The following ROBO1 variants were observed in gnomAD, a reference collection of about 807,000 sequenced individuals.
ROBO1 encodes roundabout homolog 1.
A neutral mutation model predicts 195.9 loss-of-function variants in ROBO1; 149 were observed. The observed-to-expected ratio is 0.76, with a 90% CI of 0.67 to 0.87. The LOEUF (loss-of-function observed/expected upper bound fraction) is 0.87. Among genes scored for constraint, ROBO1 ranks in the 40% least tolerant of loss-of-function variants. The probability of loss-of-function intolerance (pLI) is 0.00; values close to 1 mark genes in which losing one functional copy is unlikely to be tolerated. For synonymous variants in ROBO1, 816 were observed against 733.2 expected (o/e 1.11, Z -1.82); for missense variants, 1,933 against 2,068.3 (o/e 0.93, Z 1.27).
At chr3:79,190,540 G>A (rs1354534902) in intron 2 of ROBO1, among the ~76,000 whole-genome samples, 1 of 151,504 alleles carries the variant, frequency 6.6e-6, no homozygotes, top group Non-Finnish European at 1.5e-5. Context: ...ACAGGGTTGT[G>A]TAATTTGGTT....
intron 4 of ROBO1, among the ~76,000 whole-genome samples, chr3:78,854,835 T>G (rs2034311454): frequency 6.6e-6 from 1 of 152,100 alleles, no homozygotes; most frequent in African/African-American, 2.4e-5. Flanking sequence ...TCAACTAACT[T>G]TTATAGTTTG....
At chr3:79,066,430 C>T (rs1190049050) in intron 3 of ROBO1, among the ~76,000 whole-genome samples, 1 of 151,868 alleles carries the variant, frequency 6.6e-6, no homozygotes, top group Non-Finnish European at 1.5e-5. Flanking sequence ...TTTTATTTTA[C>T]AAACAATAGG....
chr3:79,486,983 A>G (rs1364300262), intron 2 of ROBO1, among the ~76,000 whole-genome samples: 2 of 152,076 alleles, frequency 1.3e-5, no homozygotes, highest in African/African-American at 4.8e-5. Flanking sequence ...ACTGGCCTTT[A>G]TCTGCCATTT....
intron 2 of ROBO1, among the ~76,000 whole-genome samples, chr3:79,513,313 T>A (rs903777209): frequency 4.6e-5 from 7 of 152,218 alleles, no homozygotes; most frequent in Middle Eastern, 3.4e-3. Context: ...ATAATACATC[T>A]ATATATCTAT....
At chr3:79,054,035 C>A (rs1444307875) in intron 3 of ROBO1, among the ~76,000 whole-genome samples, 2 of 152,042 alleles carry the variant, frequency 1.3e-5, no homozygotes, top group African/African-American at 4.8e-5. Flanking sequence ...TAGACTGGGA[C>A]CTTTTGGCAA....
intron 4 of ROBO1, among the ~76,000 whole-genome samples, chr3:78,920,972 G>A (rs374985659): frequency 6.6e-6 from 1 of 152,066 alleles, no homozygotes; most frequent in Non-Finnish European, 1.5e-5. Context: ...ATGAGCCACT[G>A]CGTGTGACAT....
chr3:79,145,616 AT>A (rs1001762601), intron 2 of ROBO1, among the ~76,000 whole-genome samples: 12 of 152,032 alleles, frequency 7.9e-5, no homozygotes, highest in Non-Finnish European at 4.4e-5. Flanking sequence ...AAGATATGAC[AT>A]AAGGAAAAAA....
intron 21 of ROBO1, among the ~76,000 whole-genome samples, chr3:78,643,134 C>G (rs1412812739): frequency 2.0e-5 from 3 of 152,122 alleles, no homozygotes; most frequent in Non-Finnish European, 4.4e-5. Flanking sequence ...TCATATCCAC[C>G]AGGAGTTGCC....
intron 4 of ROBO1, among the ~76,000 whole-genome samples, chr3:78,904,943 A>C (rs2037813656): frequency 6.6e-6 from 1 of 152,006 alleles, no homozygotes; most frequent in Admixed American, 6.6e-5. Context: ...TCATGGAATC[A>C]AATTTGTTTA....
At chr3:78,797,401 C>T (rs368699061) in intron 4 of ROBO1, among the ~76,000 whole-genome samples, 9 of 152,000 alleles carry the variant, frequency 5.9e-5, no homozygotes, top group Non-Finnish European at 8.8e-5. Flanking sequence ...TTGTTATGAA[C>T]GAACGTATGA....
intron 1 of ROBO1, among the ~76,000 whole-genome samples, chr3:79,596,870 A>T (rs1038064911): frequency 1.3e-5 from 2 of 152,050 alleles, no homozygotes; most frequent in African/African-American, 4.8e-5. Flanking sequence ...TGGAGATTAA[A>T]GTGACTCCAG....
chr3:79,205,069 A>G (rs1576812191), intron 2 of ROBO1, among the ~76,000 whole-genome samples: 1 of 151,976 alleles, frequency 6.6e-6, no homozygotes, highest in Non-Finnish European at 1.5e-5. Context: ...CATGGCTCAC[A>G]GCAACCTCTA....
At chr3:79,005,775 T>C (rs1335417633) in intron 3 of ROBO1, among the ~76,000 whole-genome samples, 1 of 152,220 alleles carries the variant, frequency 6.6e-6, no homozygotes, top group Non-Finnish European at 1.5e-5. Flanking sequence ...TGCTTTCTTT[T>C]CATTTCTGGT....
At chr3:78,905,275 G>A (rs541546575) in intron 4 of ROBO1, among the ~76,000 whole-genome samples, 33 of 152,196 alleles carry the variant, frequency 2.2e-4, no homozygotes, top group Middle Eastern at 6.8e-3. Context: ...CTGGGATACT[G>A]AGAGGCTTGT....
chr3:79,198,603 C>T (rs2081691568), intron 2 of ROBO1, among the ~76,000 whole-genome samples: 3 of 152,054 alleles, frequency 2.0e-5, no homozygotes, highest in Non-Finnish European at 4.4e-5. Flanking sequence ...ATGGGGATAG[C>T]ATTGAATCTA....
intron 2 of ROBO1, among the ~76,000 whole-genome samples, chr3:79,399,071 C>G (rs1040479585): frequency 6.6e-6 from 1 of 152,014 alleles, no homozygotes; most frequent in Non-Finnish European, 1.5e-5. Flanking sequence ...GAGTCCTGTC[C>G]GGCATGCATA....
chr3:79,605,492 A>G (rs907473933), intron 1 of ROBO1, among the ~76,000 whole-genome samples: 2 of 151,838 alleles, frequency 1.3e-5, no homozygotes, highest in Non-Finnish European at 2.9e-5. Flanking sequence ...TTCAAACTTG[A>G]ACTCTTGATT....
intron 3 of ROBO1, among the ~76,000 whole-genome samples, chr3:79,002,603 T>C (rs2077531540): frequency 6.6e-6 from 1 of 152,130 alleles, no homozygotes; most frequent in African/African-American, 2.4e-5. Context: ...AATGAATGAA[T>C]GACTCTAGAG....
intron 3 of ROBO1, among the ~76,000 whole-genome samples, chr3:79,047,372 TA>T (rs201593441): frequency 6.0e-5 from 9 of 150,942 alleles, no homozygotes; most frequent in South Asian, 2.1e-4. Flanking sequence ...GAAGGACTGT[TA>T]AAAAAAAAGT....
Sources: allele counts gnomAD v4.1 joint callset (sites outside exome capture counted in the v4.1 genomes callset), GRCh38; gene constraint gnomAD v4.1.1; transcripts MANE v1.5; gene names NCBI Gene and HGNC (gene_info 2026-07-23, HGNC 2026-07-21).